The following NRXN1 variants were observed in gnomAD, a reference collection of about 807,000 sequenced individuals.
NRXN1 encodes the protein neurexin-1.
A neutral mutation model predicts 150.9 loss-of-function variants in NRXN1; 39 were observed. The ratio of observed to expected loss-of-function variants is 0.26; its 90% confidence interval spans 0.20 to 0.34. The LOEUF (loss-of-function observed/expected upper bound fraction) is 0.34. NRXN1 is among the 10% of genes least tolerant of loss of function. NRXN1 has a pLI of 1.00. For missense variants in NRXN1, 1,815 were observed against 1,949.9 expected (o/e 0.93, Z 1.30); for synonymous variants, 924 against 757.0 (o/e 1.22, Z -3.62).
intron 21 of NRXN1, among the ~76,000 whole-genome samples, chr2:50,043,097 C>A (rs559564097): frequency 6.6e-6 from 1 of 152,258 alleles, no homozygotes; most frequent in Admixed American, 6.5e-5. Context: ...ATACCAAATA[C>A]AAATTTCAGA....
chr2:50,840,815 G>T (rs1049162727), intron 5 of NRXN1, among the ~76,000 whole-genome samples: 6 of 152,090 alleles, frequency 3.9e-5, no homozygotes, highest in East Asian at 1.9e-4. Context: ...AGGGTTCCTT[G>T]TTATGAGGAC....
intron 18 of NRXN1, among the ~76,000 whole-genome samples, chr2:50,225,636 GAGA>G (rs904980413): frequency 1.3e-4 from 20 of 151,966 alleles, no homozygotes; most frequent in African/African-American, 4.6e-4. Flanking sequence ...CTAGGAAAAA[GAGA>G]AGGACAGGTA....
At chr2:50,171,159 T>G (rs572524207) in intron 18 of NRXN1, among the ~76,000 whole-genome samples, 1 of 151,866 alleles carries the variant, frequency 6.6e-6, no homozygotes, top group East Asian at 2.0e-4. Flanking sequence ...TCTTGCTGTC[T>G]CATGGGTGGC....
At chr2:50,038,919 C>A (rs1356601963) in intron 21 of NRXN1, among the ~76,000 whole-genome samples, 1 of 151,974 alleles carries the variant, frequency 6.6e-6, no homozygotes, top group Non-Finnish European at 1.5e-5. Context: ...GTGGATCATG[C>A]CTGTAATCCC....
rs767764255 is a variant in NRXN1, at chr2:50,346,674, T to TGGCATCGCAGACCCACCGTGTC, written c.3365-109726_3365-109705dup. The TGGCATCGCAGACCCACCGTGTC allele has an allele frequency of 1.9e-6, 3 of 1,612,040 alleles. No individual in the cohort carries two copies. The African/African-American group carries it at 4.0e-5, about 22-fold the overall frequency. On this transcript the variant is annotated intron_variant, in intron 17 of 22. Transcript: ENST00000401669. This position sits in a 1 kb window ranked among gnomAD's most constrained non-coding sequence, Gnocchi z 5.0. Reference sequence around the variant, plus strand: ...AGCGAGGGGATAACCCGCGAGAACTTGGCATCGCAGACCCACCGTGTCCGC... The same window carrying TGGCATCGCAGACCCACCGTGTC: ...AGCGAGGGGATAACCCGCGAGAACTTGGCATCGCAGACCCACCGTGTCGGCATCGCAGACCCACCGTGTCCGC...
At chr2:50,006,490 T>C (rs1280283363) in intron 21 of NRXN1, among the ~76,000 whole-genome samples, 2 of 152,170 alleles carry the variant, frequency 1.3e-5, no homozygotes, top group African/African-American at 2.4e-5. Context: ...ACTTTTGTTA[T>C]ACATTCCCAT....
In NRXN1 at chr2:50,568,514, C is replaced by A. The variant is rs563492117; in HGVS notation, c.1321-15489G>T. ...AAAGACATTTCTCAAAAAAGGCATA[C>A]AAATGTCAAAGAGGTATATGACAAG... is the stretch of plus-strand genomic sequence containing the variant. On this transcript the variant is annotated intron_variant, in intron 8 of 22. Coordinates refer to ENST00000401669, the MANE Select transcript of NRXN1 (RefSeq NM_001330078.2). Among the ~76,000 whole-genome samples, 3 of 152,190 alleles carry A rather than the reference C, an allele frequency of 2.0e-5. No homozygotes were observed. In the South Asian group the frequency reaches 6.2e-4, roughly 32 times the overall value.
At chr2:50,107,859 T>C (rs1055492529) in intron 18 of NRXN1, among the ~76,000 whole-genome samples, 1 of 151,964 alleles carries the variant, frequency 6.6e-6, no homozygotes, top group Non-Finnish European at 1.5e-5. Context: ...TGGCTCATAA[T>C]GGTCACAAAA....
At chr2:50,803,960 C>A (rs1667175264) in intron 5 of NRXN1, among the ~76,000 whole-genome samples, 2 of 152,154 alleles carry the variant, frequency 1.3e-5, no homozygotes, top group Non-Finnish European at 2.9e-5. Context: ...ACTTCAGAAG[C>A]TTTGTTGCAT....
At chr2:50,451,258 C>G (rs991407511) in intron 17 of NRXN1, among the ~76,000 whole-genome samples, 2 of 152,178 alleles carry the variant, frequency 1.3e-5, no homozygotes, top group African/African-American at 4.8e-5. Flanking sequence ...CGTGAGTCAC[C>G]ACGCCTGGCC....
intron 21 of NRXN1, 129 bp downstream of exon 21, chr2:50,053,142 A>G: frequency 2.3e-6 from 2 of 858,174 alleles, no homozygotes; most frequent in Non-Finnish European, 3.9e-6. Flanking sequence ...ATGTTAAGCT[A>G]GTTTCAAAGG....
chr2:50,548,253 A>G (rs2105318617), intron 9 of NRXN1: 1 of 152,248 alleles, frequency 6.6e-6, no homozygotes, highest in African/African-American at 2.4e-5. Context: ...CAAGACCAAG[A>G]AGGGACAGAA....
intron 17 of NRXN1, among the ~76,000 whole-genome samples, chr2:50,301,542 T>C (rs1490346240): frequency 6.6e-6 from 1 of 152,194 alleles, no homozygotes; most frequent in Non-Finnish European, 1.5e-5. Flanking sequence ...CATCAACAGA[T>C]TTTTTATGTG....
chr2:49,956,201 G>T (rs532353332), intron 21 of NRXN1, among the ~76,000 whole-genome samples: 1 of 152,076 alleles, frequency 6.6e-6, no homozygotes, highest in East Asian at 1.9e-4. Context: ...AATTTGATAG[G>T]AAAAATAAGT....
At chr2:50,404,539 G>C (rs1396145491) in intron 17 of NRXN1, among the ~76,000 whole-genome samples, 2 of 152,140 alleles carry the variant, frequency 1.3e-5, no homozygotes, top group East Asian at 3.9e-4. Context: ...TCAGGACCCA[G>C]GTACCTTTCT....
chr2:50,130,340 A>G (rs576804850), intron 18 of NRXN1, among the ~76,000 whole-genome samples: 2 of 152,078 alleles, frequency 1.3e-5, no homozygotes, highest in African/African-American at 2.4e-5. Context: ...CTTTTGGTAG[A>G]AGGAGCAATA....
At chr2:49,942,589 ATAT>A (rs1553398763) in intron 22 of NRXN1, among the ~76,000 whole-genome samples, 115 of 149,188 alleles carry the variant, frequency 7.7e-4, no homozygotes, top group African/African-American at 1.1e-3. Flanking sequence ...AATGCAAACA[ATAT>A]TATTATTATT....
intron 5 of NRXN1, among the ~76,000 whole-genome samples, chr2:50,633,911 T>A (rs10176888): frequency 0.82 from 124,118 of 152,024 alleles, 51,147 homozygotes; most frequent in East Asian, 0.95. Context: ...AGGGAAGTTG[T>A]TTTAGATGAT....
chr2:50,340,430 A>T (rs1462668155), intron 17 of NRXN1, among the ~76,000 whole-genome samples: 1 of 152,138 alleles, frequency 6.6e-6, no homozygotes, highest in Non-Finnish European at 1.5e-5. Context: ...AATCCTTGAG[A>T]CCTCAGTTGC....
Sources: gnomAD v4.1 joint callset for allele counts (sites outside exome capture counted in the v4.1 genomes callset) on GRCh38, gnomAD v4.1.1 for gene constraint, Gnocchi (gnomAD v3.1) non-coding constraint, MANE v1.5 for transcripts, NCBI Gene and HGNC (gene_info 2026-07-23, HGNC 2026-07-21) for gene names.